SYNPR: variants seen among roughly 807,000 people sequenced by gnomAD.
The protein encoded by SYNPR is synaptoporin.
In SYNPR, 23 loss-of-function variants were observed where a neutral mutation model predicts 32.9. The ratio of observed to expected loss-of-function variants is 0.70; its 90% CI spans 0.50 to 0.99. The LOEUF is 0.99. Ranked by LOEUF, SYNPR falls within the 50% of genes least tolerant of loss-of-function variation. The probability of loss-of-function intolerance (pLI) is 0.00; values close to 1 mark genes in which losing one functional copy is unlikely to be tolerated. For missense variants in SYNPR, 318 were observed against 349.3 expected, an observed-to-expected ratio of 0.91 and a Z score of 0.71; for synonymous variants, 146 against 135.9, an observed-to-expected ratio of 1.07 and a Z score of -0.52.
rs183324119 is a variant in SYNPR, at chr3:63,497,272, C to T, written c.209+16316C>T. ...CATCATGGTGCTCATCTTAACAACC[C>T]TCATTAAATGTTGGCATTGAGAAGA... On this transcript the variant is annotated intron_variant, in intron 3 of 5. Transcript: ENST00000478300. Among the ~76,000 whole-genome samples, 606 of 152,190 alleles carry T rather than the reference C, an allele frequency of 4.0e-3. 5 individuals are homozygous for T. Among genetic ancestry groups the T allele is most frequent in the African/African-American group, 0.014 (576 of 41,534 alleles).
At chr3:63,467,982 C>G (rs1700716617) in intron 2 of SYNPR, among the ~76,000 whole-genome samples, 2 of 151,844 alleles carry the variant, frequency 1.3e-5, no homozygotes, top group African/African-American at 4.8e-5. Flanking sequence ...GGCACATCAC[C>G]TGAGGTTGGG....
At chr3:63,587,591 CT>C (rs1206449889) in intron 4 of SYNPR, among the ~76,000 whole-genome samples, 5 of 150,956 alleles carry the variant, frequency 3.3e-5, no homozygotes, top group Admixed American at 1.3e-4. Context: ...GCAATTTTTT[CT>C]GGTTTCCGGG....
At chr3:63,475,984 C>T (rs552582328) in intron 2 of SYNPR, among the ~76,000 whole-genome samples, 1 of 151,674 alleles carries the variant, frequency 6.6e-6, no homozygotes, top group East Asian at 2.0e-4. Flanking sequence ...TTCCAAGGTC[C>T]TCCTTCTAAA....
chr3:63,234,704 G>A (rs886546722), intron 1 of SYNPR, among the ~76,000 whole-genome samples: 1 of 152,162 alleles, frequency 6.6e-6, no homozygotes, highest in African/African-American at 2.4e-5. Context: ...TGAAATGAAG[G>A]CTTGCCTGTA....
At chr3:63,454,701 G>A (rs1700447603) in intron 2 of SYNPR, among the ~76,000 whole-genome samples, 1 of 151,964 alleles carries the variant, frequency 6.6e-6, no homozygotes, top group South Asian at 2.1e-4. Context: ...TCAATCCCTT[G>A]AAAACCTCCC....
At chr3:63,369,370 G>C (rs915475517) in intron 2 of SYNPR, among the ~76,000 whole-genome samples, 1 of 152,176 alleles carries the variant, frequency 6.6e-6, no homozygotes, top group African/African-American at 2.4e-5. Context: ...CTGCAAAATG[G>C]AGGAGGGGGT....
In SYNPR at chr3:63,241,635, C is replaced by T. The variant is rs550896016; in HGVS notation, n.67-10864C>T. 9.0e-4 allele frequency among the ~76,000 whole-genome samples: 137 copies of T among 152,080 alleles called. 1 individual carries two copies. Among genetic ancestry groups the T allele is most frequent in the African/African-American group, 3.0e-3 (126 of 41,498 alleles). ...ATCTTGATATACATTAAAGTTGTTA[C>T]GCCTGGAACTGCTACAATCATCTCA... On this transcript the variant is annotated intron_variant and non_coding_transcript_variant, in intron 1 of 4. Transcript: ENST00000478456.
intron 2 of SYNPR, among the ~76,000 whole-genome samples, chr3:63,337,751 A>G (rs1057069786): frequency 3.3e-5 from 5 of 152,232 alleles, no homozygotes; most frequent in Non-Finnish European, 5.9e-5. Context: ...GAGTGAAAGA[A>G]GCCAACCTGA....
chr3:63,388,361 C>T (rs1164217974), intron 2 of SYNPR, among the ~76,000 whole-genome samples: 1 of 149,750 alleles, frequency 6.7e-6, no homozygotes, highest in Non-Finnish European at 1.5e-5. Context: ...TTTCAAAACC[C>T]AAGTAAAGTT....
chr3:63,353,679 C>T (rs927637474), intron 2 of SYNPR, among the ~76,000 whole-genome samples: 2 of 152,178 alleles, frequency 1.3e-5, no homozygotes, highest in Non-Finnish European at 2.9e-5. Context: ...GTCCCCTCCA[C>T]TTATAAAACT....
At chr3:63,554,059 C>G (rs1438696749) in intron 3 of SYNPR, among the ~76,000 whole-genome samples, 1 of 152,120 alleles carries the variant, frequency 6.6e-6, no homozygotes, top group East Asian at 1.9e-4. Flanking sequence ...ATCTTTTGCT[C>G]ATTTTTAGTG....
chr3:63,470,224 G>C (rs867177763), intron 2 of SYNPR, among the ~76,000 whole-genome samples: 24 of 152,202 alleles, frequency 1.6e-4, no homozygotes, highest in African/African-American at 5.5e-4. Flanking sequence ...TTACAAAAAT[G>C]CAATACATGT....
chr3:63,454,743 G>A (rs2106640864), intron 2 of SYNPR, among the ~76,000 whole-genome samples: 1 of 151,858 alleles, frequency 6.6e-6, no homozygotes, highest in African/African-American at 2.4e-5. Flanking sequence ...TGGGGTGGCA[G>A]AGATCTCTGT....
At chr3:63,557,134 C>A (rs1286213306) in intron 4 of SYNPR, among the ~76,000 whole-genome samples, 1 of 152,038 alleles carries the variant, frequency 6.6e-6, no homozygotes, top group African/African-American at 2.4e-5. Context: ...CTATCTATGT[C>A]TTTTTCCTAC....
chr3:63,538,950 T>A (rs1308734130), intron 3 of SYNPR, among the ~76,000 whole-genome samples: 1 of 152,138 alleles, frequency 6.6e-6, no homozygotes, highest in East Asian at 1.9e-4. Context: ...AGTAACCAAA[T>A]CATCCCTGGG....
intron 4 of SYNPR, among the ~76,000 whole-genome samples, chr3:63,573,277 G>A (rs1702920517): frequency 6.6e-6 from 1 of 152,158 alleles, no homozygotes; most frequent in Admixed American, 6.6e-5. Context: ...AGTGGACAAC[G>A]CAGGTGAAGG....
the SYNPR span, among the ~76,000 whole-genome samples, chr3:63,217,657 A>G: frequency 6.6e-6 from 1 of 151,000 alleles, no homozygotes; most frequent in African/African-American, 2.4e-5. Context: ...AAATGCAGAA[A>G]TCACCCGTCT....
chr3:63,372,425 G>A (rs1318165116), intron 2 of SYNPR, among the ~76,000 whole-genome samples: 4 of 152,148 alleles, frequency 2.6e-5, no homozygotes, highest in Non-Finnish European at 5.9e-5. Context: ...CAGCGATACT[G>A]CCTTTGCTGC....
At chr3:63,383,621 G>A (rs1011119874) in intron 2 of SYNPR, among the ~76,000 whole-genome samples, 9 of 152,068 alleles carry the variant, frequency 5.9e-5, no homozygotes, top group African/African-American at 2.2e-4. Flanking sequence ...CTCCAGCCTA[G>A]GCAACAGAGC....
Sources: gnomAD v4.1 joint callset for allele counts (sites outside exome capture counted in the v4.1 genomes callset) on GRCh38, gnomAD v4.1.1 for gene constraint, MANE v1.5 for transcripts, NCBI Gene and HGNC (gene_info 2026-07-23, HGNC 2026-07-21) for gene names.